CBL: variants seen among roughly 807,000 people sequenced by gnomAD.
CBL encodes the protein Cbl proto-oncogene.
A neutral mutation model predicts 96.9 loss-of-function variants in CBL; 45 were observed. The ratio of observed to expected loss-of-function variants is 0.46; its 90% CI spans 0.37 to 0.60. The LOEUF (loss-of-function observed/expected upper bound fraction) is 0.60. CBL is among the 20% of genes least tolerant of loss of function. The pLI is 0.00. For missense variants in CBL, 1,024 were observed against 1,143.5 expected, an observed-to-expected ratio of 0.90 and a Z score of 1.51; for synonymous variants, 420 against 426.8, an observed-to-expected ratio of 0.98 and a Z score of 0.20.
At position 119,303,311 on chromosome 11, in the gene CBL, C is replaced by T. The variant is rs761424327; in HGVS notation, c.*3530C>T. ...GTTGGCCTTTCTGACTCTGGAATGA[C>T]CACTGTTCATTGAAAAATAGTTTTC... On this transcript the variant is annotated 3_prime_UTR_variant, in exon 16 of 16. Coordinates refer to ENST00000264033, the MANE Select transcript of CBL (RefSeq NM_005188.4). The T allele has an allele frequency of 1.3e-5, 3 of 233,030 alleles. No homozygotes were observed. The highest frequency in any genetic ancestry group is 2.5e-5 in the Non-Finnish European group (3 of 117,728). 14.4% of individuals were successfully genotyped at this position (233,030 alleles called of 1,614,324 possible).
Position 119,297,232 on chromosome 11 carries a change from A to T in CBL, c.2154-152A>T, listed in dbSNP as rs934882715. 5 of 758,460 alleles carry T rather than the reference A, an allele frequency of 6.6e-6. No homozygotes were observed. In the African/African-American group the frequency reaches 6.8e-5, roughly 10 times the overall value. 47.0% of individuals were successfully genotyped at this position (758,460 alleles called of 1,614,324 possible). On this transcript the variant is annotated intron_variant, in intron 13 of 15. Coordinates refer to ENST00000264033, the MANE Select transcript of CBL (RefSeq NM_005188.4). Reference sequence around the variant, plus strand: ...ACTTATGTTTTCTCAGCAACATGAGAACCTCAAAAACACATACACCTATAA... The same window carrying T: ...ACTTATGTTTTCTCAGCAACATGAGTACCTCAAAAACACATACACCTATAA...
chr11:119,300,246 G>A lies in CBL; in HGVS notation c.*465G>A, dbSNP rs1950092408. 8.8e-6 allele frequency: 4 copies of A among 455,762 alleles called. No individual in the cohort carries two copies. The highest frequency in any genetic ancestry group is 1.5e-5 in the Non-Finnish European group (4 of 260,754). The allele number at this position is 455,762 out of a possible 1,614,324, so 28.2% of individuals were successfully genotyped here. The stretch of plus-strand genomic sequence containing the variant: ...GCAGGGAATTAGCACAAAAGGTTTA[G>A]GAAGGAATCTTTTTTTAAAGACTTC... On this transcript the variant is annotated 3_prime_UTR_variant, in exon 16 of 16. Transcript: ENST00000264033.
intron 2 of CBL, among the ~76,000 whole-genome samples, chr11:119,240,674 T>C (rs958505806): frequency 1.3e-5 from 2 of 152,204 alleles, no homozygotes; most frequent in Non-Finnish European, 2.9e-5. Flanking sequence ...TAATCGACTG[T>C]GGCTTGGGAG....
At chr11:119,222,247 G>T (rs1293371248) in intron 1 of CBL, among the ~76,000 whole-genome samples, 3 of 152,168 alleles carry the variant, frequency 2.0e-5, no homozygotes, top group African/African-American at 7.2e-5. Flanking sequence ...TGTTAGAAAA[G>T]ATTCTGTATT....
intron 1 of CBL, among the ~76,000 whole-genome samples, chr11:119,218,890 A>G (rs1330091216): frequency 1.3e-5 from 2 of 152,226 alleles, no homozygotes; most frequent in African/African-American, 4.8e-5. Flanking sequence ...GGTTACTAAG[A>G]TGTACAGTAA....
intron 2 of CBL, among the ~76,000 whole-genome samples, chr11:119,252,633 A>G (rs1592387222): frequency 1.3e-5 from 2 of 152,278 alleles, no homozygotes; most frequent in East Asian, 1.9e-4. Context: ...AGGCGGGTGG[A>G]TCACCTGAGG....
intron 2 of CBL, among the ~76,000 whole-genome samples, chr11:119,240,714 T>C (rs894693848): frequency 1.3e-5 from 2 of 152,102 alleles, no homozygotes; most frequent in Admixed American, 1.3e-4. Context: ...GCCATGTGCA[T>C]GGGGGAGTTT....
intron 1 of CBL, among the ~76,000 whole-genome samples, chr11:119,212,359 C>G (rs1373408381): frequency 6.6e-6 from 1 of 151,826 alleles, no homozygotes; most frequent in Non-Finnish European, 1.5e-5. Flanking sequence ...TGTGTGGTGG[C>G]TCATGCTTAT....
At position 119,306,490 on chromosome 11, in the gene CBL, A is replaced by G. The variant is rs567055722; in HGVS notation, c.*6709A>G. On this transcript the variant is annotated 3_prime_UTR_variant, in exon 16 of 16. Transcript: ENST00000264033. ...TATTGCTCAATGCGTGCTATGTGCAACTCCTCAGGCCTTGTGCCACCTCCA... is the reference window on the plus strand; with the variant it reads ...TATTGCTCAATGCGTGCTATGTGCAGCTCCTCAGGCCTTGTGCCACCTCCA... 12 of 395,836 alleles carry G rather than the reference A, an allele frequency of 3.0e-5. 1 individual carries two copies. Among genetic ancestry groups the G allele is most frequent in the East Asian group, 1.4e-4 (4 of 27,980 alleles). The allele number at this position is 395,836 out of a possible 1,614,324, so 24.5% of individuals were successfully genotyped here. A position where few individuals can be genotyped will look rare whatever the true frequency, so the allele number is the denominator to read the frequency against.
Position 119,305,827 on chromosome 11 carries a change from T to A in CBL, c.*6046T>A, listed in dbSNP as rs1950135088. ...CTTATATTTCTCTCATCTCAGAGCC[T>A]GTCCTGAGTTGTAAGGTATTTCATA... On this transcript the variant is annotated 3_prime_UTR_variant, in exon 16 of 16. Transcript: ENST00000264033. 4.3e-6 allele frequency: 1 copy of A among 232,674 alleles called. No homozygotes were observed. Among genetic ancestry groups the A allele is most frequent in the East Asian group, 6.2e-5 (1 of 16,198 alleles). 14.4% of individuals were successfully genotyped at this position (232,674 alleles called of 1,614,324 possible).
At chr11:119,211,994 A>G (rs967305416) in intron 1 of CBL, among the ~76,000 whole-genome samples, 2 of 152,062 alleles carry the variant, frequency 1.3e-5, no homozygotes, top group Non-Finnish European at 2.9e-5. Context: ...ATCTCGGCTC[A>G]CTGCAGCCCC....
At chr11:119,242,924 C>G (rs1180322117) in intron 2 of CBL, among the ~76,000 whole-genome samples, 1 of 151,674 alleles carries the variant, frequency 6.6e-6, no homozygotes, top group Non-Finnish European at 1.5e-5. Context: ...ATTGCCATAC[C>G]AGGTTGCATT....
chr11:119,280,006 A>G (rs1478354527), intron 9 of CBL, among the ~76,000 whole-genome samples: 1 of 152,250 alleles, frequency 6.6e-6, no homozygotes, highest in Non-Finnish European at 1.5e-5. Context: ...TGTTGGGTAC[A>G]CTATAAGTCG....
chr11:119,245,405 CAAT>C (rs1252844201), intron 2 of CBL, among the ~76,000 whole-genome samples: 1 of 151,956 alleles, frequency 6.6e-6, no homozygotes, highest in Non-Finnish European at 1.5e-5. Context: ...AAACACTTAA[CAAT>C]AATAAGCCTA....
At chr11:119,296,446 G>A (rs1289362459) in intron 12 of CBL, among the ~76,000 whole-genome samples, 1 of 152,092 alleles carries the variant, frequency 6.6e-6, no homozygotes, top group African/African-American at 2.4e-5. Flanking sequence ...CGCTAACTGC[G>A]GTCGCTTTAT....
intron 2 of CBL, among the ~76,000 whole-genome samples, chr11:119,258,155 G>A (rs984608992): frequency 2.6e-5 from 4 of 152,190 alleles, no homozygotes; most frequent in African/African-American, 9.7e-5. Flanking sequence ...TTGAACCTGG[G>A]AGGCGGAGGT....
intron 1 of CBL, among the ~76,000 whole-genome samples, chr11:119,213,866 C>G (rs558911025): frequency 6.6e-6 from 1 of 152,202 alleles, no homozygotes; most frequent in Non-Finnish European, 1.5e-5. Context: ...GCCACTGCAC[C>G]CAACTAGTAG....
At chr11:119,283,987 T>C (rs890721146) in intron 9 of CBL, among the ~76,000 whole-genome samples, 11 of 152,132 alleles carry the variant, frequency 7.2e-5, no homozygotes, top group Non-Finnish European at 1.3e-4. Context: ...TCAAGATGCT[T>C]TTTAGTGATA....
chr11:119,214,011 C>G (rs1421160769), intron 1 of CBL, among the ~76,000 whole-genome samples: 1 of 152,148 alleles, frequency 6.6e-6, no homozygotes, highest in Non-Finnish European at 1.5e-5. Flanking sequence ...GTTGCGTAGT[C>G]TTGGCTCACT....
Sources: gnomAD v4.1 joint callset for allele counts (sites outside exome capture counted in the v4.1 genomes callset) on GRCh38, gnomAD v4.1.1 for gene constraint, MANE v1.5 for transcripts, NCBI Gene and HGNC (gene_info 2026-07-23, HGNC 2026-07-21) for gene names.